The following IL20RB variants were observed in gnomAD, a reference collection of about 807,000 sequenced individuals.
IL20RB encodes the protein interleukin 20 receptor subunit beta.
In IL20RB, 21 loss-of-function variants were observed where a neutral mutation model predicts 33.3. That is an observed-to-expected ratio of 0.63 (90% confidence interval 0.45 to 0.91). The LOEUF is 0.91. Ranked by LOEUF, IL20RB falls within the 40% of genes least tolerant of loss-of-function variation. IL20RB has a pLI of 0.00. For missense variants in IL20RB, 345 were observed against 384.8 expected, an observed-to-expected ratio of 0.90 and a Z score of 0.86; for synonymous variants, 147 against 146.8, an observed-to-expected ratio of 1.00 and a Z score of -0.01.
chr3:136,983,387 C>T (rs965831458), intron 3 of IL20RB, among the ~76,000 whole-genome samples: 5 of 152,154 alleles, frequency 3.3e-5, no homozygotes, highest in Middle Eastern at 3.4e-3. Flanking sequence ...GGCGCCCGGC[C>T]GACCAGGTCT....
At position 136,995,488 on chromosome 3, in the gene IL20RB, T is replaced by A. The variant is rs1292654392; in HGVS notation, c.757T>A (p.Phe253Ile). 1.7e-5 allele frequency: 28 copies of A among 1,614,188 alleles called. No individual in the cohort carries two copies. The highest frequency in any genetic ancestry group is 2.3e-5 in the Non-Finnish European group (27 of 1,180,028). The change falls in exon 6 of 7, where the codon TTC becomes ATC. Residue 253 changes from phenylalanine to isoleucine, a missense_variant. Transcript: ENST00000329582. ...GCTGATCCTTGTGGTCGTGCCACTGTTCGTCTGGAAAATGGGCCGGCTGCT... is the reference window on the plus strand; with the variant it reads ...GCTGATCCTTGTGGTCGTGCCACTGATCGTCTGGAAAATGGGCCGGCTGCT... ...FMLILVVVPL[F>I]VWKMGRLLQY...
chr3:136,979,608 T>G (rs1326745262), intron 1 of IL20RB, among the ~76,000 whole-genome samples: 1 of 151,872 alleles, frequency 6.6e-6, no homozygotes, highest in East Asian at 1.9e-4. Flanking sequence ...TCTTTCATTC[T>G]CTACAAATCA....
intron 3 of IL20RB, chr3:136,986,692 AG>A (rs1254373816): frequency 2.2e-6 from 1 of 456,776 alleles, no homozygotes; most frequent in Non-Finnish European, 4.4e-6. Flanking sequence ...AACTCCCTGT[AG>A]GAACTGCCTT....
chr3:136,999,555 G>T (rs58868475), intron 6 of IL20RB, among the ~76,000 whole-genome samples: 23,643 of 128,700 alleles, frequency 0.18, 2,187 homozygotes, highest in East Asian at 0.32. Context: ...ATTTCTTCAG[G>T]TATTTTTTTT....
chr3:136,993,397 T>A (rs1942068691), intron 5 of IL20RB, among the ~76,000 whole-genome samples: 1 of 152,194 alleles, frequency 6.6e-6, no homozygotes, highest in Non-Finnish European at 1.5e-5. Context: ...TGAACATCTT[T>A]TCATGTCAAT....
At chr3:136,996,900 G>T (rs1451460751) in intron 6 of IL20RB, among the ~76,000 whole-genome samples, 1 of 152,160 alleles carries the variant, frequency 6.6e-6, no homozygotes, top group Non-Finnish European at 1.5e-5. Context: ...GAACGTGAGG[G>T]TCTCAAAGTA....
chr3:136,996,989 G>A (rs555460722), intron 6 of IL20RB, among the ~76,000 whole-genome samples: 10 of 151,958 alleles, frequency 6.6e-5, no homozygotes, highest in Non-Finnish European at 1.0e-4. Flanking sequence ...AAAATGTTTC[G>A]TGGTATTGTT....
intron 1 of IL20RB, among the ~76,000 whole-genome samples, chr3:136,963,735 C>T (rs1252412553): frequency 2.6e-5 from 3 of 117,382 alleles, no homozygotes; most frequent in African/African-American, 1.0e-4. Flanking sequence ...GGTACATGTG[C>T]ACATTGTGCA....
In IL20RB at chr3:136,995,522, C is replaced by T. The variant is rs754452937; in HGVS notation, c.791C>T (p.Ser264Phe). Residue 264 changes from serine (S) to phenylalanine (F), a missense_variant, in exon 6 of 7, where the codon TCC becomes TTC. By Grantham distance (155) the Ser-to-Phe change is radical. Coordinates refer to ENST00000329582, the MANE Select transcript of IL20RB (RefSeq NM_144717.4). ...VWKMGRLLQY[S>F]CCPVVVLPDT... ...AAAATGGGCCGGCTGCTCCAGTACTCCTGTTGCCCCGTGGTGGTCCTCCCA... is the reference window on the plus strand; with the variant it reads ...AAAATGGGCCGGCTGCTCCAGTACTTCTGTTGCCCCGTGGTGGTCCTCCCA... The T allele has an allele frequency of 2.9e-5, 46 of 1,614,002 alleles. No homozygotes were observed. In the South Asian group the frequency reaches 4.7e-4, roughly 17 times the overall value.
chr3:136,986,123 G>A (rs1941891082), intron 3 of IL20RB, among the ~76,000 whole-genome samples: 1 of 152,078 alleles, frequency 6.6e-6, no homozygotes, highest in Non-Finnish European at 1.5e-5. Flanking sequence ...TGAGGCAGGA[G>A]AATGGTGTGA....
At chr3:136,999,931 C>T (rs1942207890) in intron 6 of IL20RB, among the ~76,000 whole-genome samples, 1 of 152,002 alleles carries the variant, frequency 6.6e-6, no homozygotes, top group Non-Finnish European at 1.5e-5. Flanking sequence ...ATTATAAATA[C>T]CTTTGTCTGC....
intron 1 of IL20RB, among the ~76,000 whole-genome samples, chr3:136,973,921 T>C (rs1391640794): frequency 1.3e-5 from 2 of 152,170 alleles, no homozygotes; most frequent in Admixed American, 1.3e-4. Flanking sequence ...TGGAGAATAT[T>C]TTTCCATCCC....
intron 3 of IL20RB, among the ~76,000 whole-genome samples, chr3:136,988,886 T>C (rs545549231): frequency 6.6e-6 from 1 of 152,218 alleles, no homozygotes; most frequent in African/African-American, 2.4e-5. Flanking sequence ...GCCACAGATC[T>C]GTGTGAGCTG....
chr3:136,977,763 C>T (rs1382950232), intron 1 of IL20RB, among the ~76,000 whole-genome samples: 2 of 152,010 alleles, frequency 1.3e-5, no homozygotes, highest in African/African-American at 2.4e-5. Context: ...TGAGCTCAGG[C>T]GATCTGCCTG....
intron 1 of IL20RB, among the ~76,000 whole-genome samples, chr3:136,961,712 A>G (rs970772777): frequency 6.6e-6 from 1 of 152,206 alleles, no homozygotes; most frequent in Non-Finnish European, 1.5e-5. Context: ...TTAGTTAATG[A>G]TAATGTGCCA....
At chr3:137,008,503 G>A (rs979168999) in intron 6 of IL20RB, among the ~76,000 whole-genome samples, 3 of 152,144 alleles carry the variant, frequency 2.0e-5, no homozygotes, top group Admixed American at 6.6e-5. Flanking sequence ...AACTGATTCC[G>A]ATTTTATAAA....
intron 6 of IL20RB, among the ~76,000 whole-genome samples, chr3:136,996,717 T>G (rs1426266944): frequency 5.3e-5 from 8 of 152,208 alleles, no homozygotes; most frequent in Non-Finnish European, 4.4e-5. Flanking sequence ...CAGATACTGT[T>G]CTAAGGCTTT....
chr3:137,008,593 T>G (rs945018305), intron 6 of IL20RB, among the ~76,000 whole-genome samples: 3 of 152,200 alleles, frequency 2.0e-5, no homozygotes, highest in African/African-American at 7.2e-5. Context: ...GAGATTATGA[T>G]GTTTGTTTTA....
chr3:136,989,127 T>G (rs552850186), intron 3 of IL20RB, among the ~76,000 whole-genome samples: 1 of 152,332 alleles, frequency 6.6e-6, no homozygotes, highest in African/African-American at 2.4e-5. Context: ...ACTGGAGTTT[T>G]TAATCACTTT....
Sources: allele counts gnomAD v4.1 joint callset (sites outside exome capture counted in the v4.1 genomes callset), GRCh38; gene constraint gnomAD v4.1.1; transcripts MANE v1.5; gene names NCBI Gene and HGNC (gene_info 2026-07-23, HGNC 2026-07-21).